Variants in DRP2 observed in about 807,000 individuals in gnomAD.
DRP2 encodes dystrophin-related protein 2.
A neutral mutation model predicts 78.2 loss-of-function variants in DRP2; 29 were observed. The observed-to-expected ratio is 0.37, with a 90% confidence interval of 0.28 to 0.51. The LOEUF is 0.51. Ranked by LOEUF, DRP2 falls within the 20% of genes least tolerant of loss-of-function variation. DRP2 has a pLI of 0.94. For synonymous variants in DRP2, 290 were observed against 281.9 expected (o/e 1.03, Z -0.29); for missense variants, 686 against 770.6 (o/e 0.89, Z 1.30).
intron 2 of DRP2, among the ~76,000 whole-genome samples, chrX:101,230,021 C>T (rs1340566407): frequency 2.7e-5 from 3 of 112,052 alleles, no homozygotes; most frequent in Admixed American, 9.5e-5. Context: ...CCACTCAGCT[C>T]CCAAATTAGA....
At chrX:101,229,508 A>G (rs747232749) in intron 2 of DRP2, among the ~76,000 whole-genome samples, 8 of 111,881 alleles carry the variant, frequency 7.2e-5, no homozygotes, top group Non-Finnish European at 1.5e-4. Flanking sequence ...AGGAGTCCAC[A>G]TATCTTTAAA....
Position 101,231,736 on chromosome X carries a change from G to A in DRP2, c.89G>A (p.Ser30Asn). The A allele has an allele frequency of 1.7e-6, 2 of 1,210,669 alleles. No homozygotes were observed. Among genetic ancestry groups the A allele is most frequent in the Non-Finnish European group, 2.2e-6 (2 of 894,948 alleles). The change falls in exon 3 of 24, where the codon AGC (serine) becomes AAC (asparagine). Residue 30 changes from serine (S) to asparagine (N), a missense_variant. By Grantham distance (46) the Ser-to-Asn change is conservative (BLOSUM62 1). This residue lies in a region of DRP2 where 263 missense variants were observed against 239.1 expected (regional missense o/e 1.10). Coordinates refer to ENST00000395209, the MANE Select transcript of DRP2 (RefSeq NM_001939.3). ...QAADQFHHSS[S>N]LRSTCPHPQV... ...GCTGACCAGTTCCATCATAGCAGCA[G>A]CCTCCGAAGCACCTGCCCCCACCCT... is the stretch of plus-strand genomic sequence containing the variant.
At chrX:101,225,004 G>A (rs1218878982) in intron 2 of DRP2, among the ~76,000 whole-genome samples, 1 of 111,760 alleles carries the variant, frequency 8.9e-6, no homozygotes, top group Admixed American at 9.5e-5. Flanking sequence ...GATTTCTCTG[G>A]TTTCTAGGTG....
At position 101,260,941 on chromosome X, in the gene DRP2, C is replaced by T. The variant is rs183688512; in HGVS notation, c.*320C>T. On this transcript the variant is annotated 3_prime_UTR_variant, in exon 24 of 24. Coordinates refer to ENST00000395209, the MANE Select transcript of DRP2 (RefSeq NM_001939.3). ...TTCAGATGGGGAGCAGAGAAGCTGC[C>T]TTGCAGAGCTAAGCGGTACATGTTG... 8.0e-4 allele frequency: 171 copies of T among 213,877 alleles called. 1 individual carries two copies. The highest frequency in any genetic ancestry group is 4.0e-4 in the South Asian group (2 of 4,979). 17.6% of individuals were successfully genotyped at this position (213,877 alleles called of 1,213,427 possible). A position where few individuals can be genotyped will look rare whatever the true frequency, so the allele number is the denominator to read the frequency against.
At chrX:101,250,308 A>G (rs376029183) in intron 14 of DRP2, 115 bp from the exon 15 acceptor site, 1 of 1,037,750 alleles carries the variant, frequency 9.6e-7, no homozygotes, top group Non-Finnish European at 1.3e-6. Flanking sequence ...CCAGTTTGAA[A>G]AGTCATTAGC....
intron 4 of DRP2, among the ~76,000 whole-genome samples, chrX:101,237,096 T>C (rs1922532494): frequency 1.8e-5 from 2 of 111,745 alleles, no homozygotes; most frequent in Non-Finnish European, 3.8e-5. Context: ...CCAAGGACTG[T>C]TATATTCGTA....
intron 16 of DRP2, among the ~76,000 whole-genome samples, chrX:101,252,000 G>A (rs1249932313): frequency 8.9e-6 from 1 of 111,906 alleles, no homozygotes; most frequent in Non-Finnish European, 1.9e-5. Context: ...CTAGTTAGTG[G>A]TAGATCTAGA....
chrX:101,239,080 G>A lies in DRP2; in HGVS notation c.538G>A (p.Glu180Lys). The A allele has an allele frequency of 8.3e-7, 1 of 1,210,357 alleles. No homozygotes were observed. The highest frequency in any genetic ancestry group is 1.1e-6 in the Non-Finnish European group (1 of 895,002). Residue 180 changes from glutamate (E) to lysine (K), a missense_variant, in exon 6 of 24, where the codon GAG becomes AAG. Transcript: ENST00000395209. ...LSQHPFEELE[E>K]PHSESKDTSP... is the part of the protein sequence containing the mutation. Reference sequence around the variant, plus strand: ...CCAGCACCCATTTGAGGAGTTAGAGGAGCCTCATTCTGAGAGCAAAGGTAG... The same window carrying A: ...CCAGCACCCATTTGAGGAGTTAGAGAAGCCTCATTCTGAGAGCAAAGGTAG...
At position 101,231,360 on chromosome X, in the gene DRP2, C is replaced by A. The variant is rs947478543; in HGVS notation, c.-63-225C>A. Among the ~76,000 whole-genome samples the A allele has an allele frequency of 3.6e-5, 4 of 112,180 alleles. 1 individual carries two copies. The highest frequency in any genetic ancestry group is 1.3e-4 in the African/African-American group (4 of 30,828). On this transcript the variant is annotated intron_variant, in intron 2 of 23. Coordinates refer to ENST00000395209, the MANE Select transcript of DRP2 (RefSeq NM_001939.3). ...CACCTCCACCCTTAGGCTTTGAGAT[C>A]TCAGCAGTTATCTTTATGTCTCTAG...
chrX:101,250,132 C>T (rs774784889), intron 14 of DRP2, among the ~76,000 whole-genome samples: 2 of 110,660 alleles, frequency 1.8e-5, no homozygotes, highest in Non-Finnish European at 3.8e-5. Context: ...ACAGTGCACT[C>T]GACCTCTCTC....
chrX:101,229,382 C>CTT (rs1272615920), intron 2 of DRP2, among the ~76,000 whole-genome samples: 1 of 111,296 alleles, frequency 9.0e-6, no homozygotes, highest in Admixed American at 9.6e-5. Context: ...TCTATAGGGA[C>CTT]TTTGACTACA....
chrX:101,248,609 A>G lies in DRP2; in HGVS notation c.1540+10A>G. 1 of 1,201,503 alleles carries G rather than the reference A, an allele frequency of 8.3e-7. No individual in the cohort carries two copies. Among genetic ancestry groups the G allele is most frequent in the Non-Finnish European group, 1.1e-6 (1 of 886,557 alleles). On this transcript the variant is annotated intron_variant, in intron 14 of 23. Transcript: ENST00000395209. Reference sequence around the variant, plus strand: ...AAGGAAAAACTTCAGTGTGAGTAGAACTCCAAAGTGTGGAGTGGTGTTGGG... The same window carrying G: ...AAGGAAAAACTTCAGTGTGAGTAGAGCTCCAAAGTGTGGAGTGGTGTTGGG...
chrX:101,250,399 C>T, intron 14 of DRP2, 24 bp from the exon 15 acceptor site: 1 of 1,211,182 alleles, frequency 8.3e-7, no homozygotes, highest in Non-Finnish European at 1.1e-6. Context: ...CGGGGTTGGC[C>T]ATTCTTGACG....
chrX:101,243,367 A>C (rs190194533), intron 9 of DRP2, among the ~76,000 whole-genome samples: 46 of 101,154 alleles, frequency 4.5e-4, no homozygotes, highest in Admixed American at 1.2e-3. Flanking sequence ...TGGAGGTTGC[A>C]GCCTGGGCGA....
At chrX:101,254,188 A>T (rs368973510) in intron 17 of DRP2, among the ~76,000 whole-genome samples, 127 of 110,587 alleles carry the variant, frequency 1.1e-3, no homozygotes, top group African/African-American at 4.0e-3. Flanking sequence ...TTAAGTATAA[A>T]ATGAAAGTCC....
chrX:101,243,393 G>A (rs1455277053), intron 9 of DRP2, among the ~76,000 whole-genome samples: 2 of 80,537 alleles, frequency 2.5e-5, no homozygotes, highest in East Asian at 7.4e-4. Flanking sequence ...ATGAAACTCC[G>A]TCTCAAAAAA....
In DRP2 at chrX:101,235,479, T is replaced by A. The variant is rs139608566; in HGVS notation, c.118-381T>A. On this transcript the variant is annotated intron_variant, in intron 3 of 23. Transcript: ENST00000395209. Reference sequence around the variant, plus strand: ...CAACAGCTTACCTGCAATGGTATGGTTGCCCATAATTTGGGCAATTCTGTG... The same window carrying A: ...CAACAGCTTACCTGCAATGGTATGGATGCCCATAATTTGGGCAATTCTGTG... Among the ~76,000 whole-genome samples, 637 of 112,803 alleles carry A rather than the reference T, an allele frequency of 5.6e-3. 4 individuals carry two copies. The highest frequency in any genetic ancestry group is 0.019 in the African/African-American group (604 of 31,084).
At chrX:101,258,868 A>AT (rs1170751157) in intron 22 of DRP2, among the ~76,000 whole-genome samples, 2 of 112,073 alleles carry the variant, frequency 1.8e-5, no homozygotes, top group Non-Finnish European at 3.8e-5. Context: ...CCCATACTAA[A>AT]AGAACAAACT....
At chrX:101,227,243 A>T (rs1486336409) in intron 2 of DRP2, among the ~76,000 whole-genome samples, 1 of 112,140 alleles carries the variant, frequency 8.9e-6, no homozygotes, top group Non-Finnish European at 1.9e-5. Flanking sequence ...TGGTATGAAT[A>T]ATTTTCCCCG....
Sources: allele counts gnomAD v4.1 joint callset (sites outside exome capture counted in the v4.1 genomes callset), GRCh38; gene constraint gnomAD v4.1.1; regional missense constraint gnomAD v4.1.1; transcripts MANE v1.5; gene names NCBI Gene and HGNC (gene_info 2026-07-23, HGNC 2026-07-21).